ZPBP: variants seen among roughly 807,000 people sequenced by gnomAD.
ZPBP encodes zona pellucida binding protein.
In ZPBP, 26 loss-of-function variants were observed where a neutral mutation model predicts 44.8. The ratio of observed to expected loss-of-function variants is 0.58; its 90% CI spans 0.43 to 0.81. The LOEUF is 0.81. Ranked by LOEUF, ZPBP falls within the 30% of genes least tolerant of loss-of-function variation. The pLI is 0.00. For synonymous variants in ZPBP, 174 were observed against 153.2 expected, an observed-to-expected ratio of 1.14 and a Z score of -1.00; for missense variants, 409 against 434.0, an observed-to-expected ratio of 0.94 and a Z score of 0.51.
chr7:49,996,443 T>C (rs1166605600), intron 6 of ZPBP, among the ~76,000 whole-genome samples: 2 of 152,208 alleles, frequency 1.3e-5, no homozygotes, highest in Non-Finnish European at 2.9e-5. Context: ...TTGGAATCAA[T>C]GTCAGTTCAG....
the ZPBP span, among the ~76,000 whole-genome samples, chr7:49,844,749 A>G: frequency 2.6e-5 from 4 of 151,984 alleles, no homozygotes; most frequent in African/African-American, 7.3e-5. Flanking sequence ...CTGGAGTGCA[A>G]TGGCACGATC....
chr7:49,912,092 C>T (rs752065182), intron 1 of ZPBP: 49 of 1,613,984 alleles, frequency 3.0e-5, no homozygotes, highest in Non-Finnish European at 3.1e-5. Context: ...TGAAGACTGA[C>T]GAGTGCACCA....
chr7:49,881,419 A>G (rs1177982694), intron 2 of ZPBP, among the ~76,000 whole-genome samples: 3 of 152,186 alleles, frequency 2.0e-5, no homozygotes, highest in Non-Finnish European at 2.9e-5. Flanking sequence ...ATGATTTAAT[A>G]GAAAGTTTAA....
chr7:50,001,409 C>G (rs1395824625), intron 6 of ZPBP, among the ~76,000 whole-genome samples: 1 of 152,100 alleles, frequency 6.6e-6, no homozygotes, highest in Non-Finnish European at 1.5e-5. Flanking sequence ...AACATCTTTT[C>G]CTTCTTCTTT....
At chr7:49,989,302 T>G (rs1797457893) in intron 6 of ZPBP, among the ~76,000 whole-genome samples, 1 of 152,126 alleles carries the variant, frequency 6.6e-6, no homozygotes, top group African/African-American at 2.4e-5. Context: ...TGTCAGTTTC[T>G]AACAGGCCCG....
intron 1 of ZPBP, among the ~76,000 whole-genome samples, chr7:49,927,276 A>G (rs1288574445): frequency 6.6e-6 from 1 of 152,178 alleles, no homozygotes; most frequent in Non-Finnish European, 1.5e-5. Context: ...GTTCAACAAC[A>G]TGAGGTGGCA....
chr7:49,846,359 A>G (rs555461285), downstream of ZPBP, among the ~76,000 whole-genome samples: 2 of 152,348 alleles, frequency 1.3e-5, no homozygotes, highest in African/African-American at 2.4e-5. Context: ...CTGGTCTCTT[A>G]ACAGCTGTCC....
At chr7:49,960,941 A>G (rs186515388) in intron 7 of ZPBP, among the ~76,000 whole-genome samples, 1 of 152,352 alleles carries the variant, frequency 6.6e-6, no homozygotes, top group East Asian at 1.9e-4. Flanking sequence ...TTACACAGTT[A>G]ACACAAGTGG....
At chr7:49,987,352 G>A (rs534791439) in intron 6 of ZPBP, among the ~76,000 whole-genome samples, 30 of 151,862 alleles carry the variant, frequency 2.0e-4, no homozygotes, top group African/African-American at 3.9e-4. Context: ...TTTCTCAGTC[G>A]ACTAAACTAT....
intron 3 of ZPBP, among the ~76,000 whole-genome samples, chr7:50,065,077 T>C (rs1801433164): frequency 6.6e-6 from 1 of 152,276 alleles, no homozygotes; most frequent in Non-Finnish European, 1.5e-5. Context: ...CCTCCGTTTG[T>C]AGTCCCTGAC....
At chr7:49,937,648 G>C (rs1794668917) in intron 7 of ZPBP, 26 bp from the exon 8 acceptor site, 1 of 1,561,852 alleles carries the variant, frequency 6.4e-7, no homozygotes, top group African/African-American at 1.4e-5. Context: ...AAGTTAATAA[G>C]TAGTATTTTC....
intron 6 of ZPBP, among the ~76,000 whole-genome samples, chr7:49,998,543 T>G (rs1797960439): frequency 6.6e-6 from 1 of 152,236 alleles, no homozygotes; most frequent in African/African-American, 2.4e-5. Flanking sequence ...TTGCTTCTTA[T>G]AAGTGATTAA....
At chr7:49,859,087 ATACT>A (rs1328930059) in intron 2 of ZPBP, among the ~76,000 whole-genome samples, 1 of 152,236 alleles carries the variant, frequency 6.6e-6, no homozygotes, top group Non-Finnish European at 1.5e-5. Context: ...ATATGGGCAC[ATACT>A]TATTTAGGAA....
intron 3 of ZPBP, among the ~76,000 whole-genome samples, chr7:50,073,653 C>T (rs1801950396): frequency 6.6e-6 from 1 of 151,842 alleles, no homozygotes; most frequent in African/African-American, 2.4e-5. Flanking sequence ...ATCCAAAAAG[C>T]AGAAAGAAAA....
intron 7 of ZPBP, among the ~76,000 whole-genome samples, chr7:49,957,737 G>A (rs1336802271): frequency 6.6e-6 from 1 of 152,174 alleles, no homozygotes; most frequent in African/African-American, 2.4e-5. Flanking sequence ...CCTCTACTGT[G>A]GTAATGCCCT....
intron 3 of ZPBP, among the ~76,000 whole-genome samples, chr7:50,073,071 C>A (rs1216301204): frequency 6.6e-6 from 1 of 152,056 alleles, no homozygotes; most frequent in Non-Finnish European, 1.5e-5. Context: ...AAACTAAATA[C>A]CAGGGACCAA....
chr7:49,842,440 G>A, the ZPBP span, among the ~76,000 whole-genome samples: 1 of 152,100 alleles, frequency 6.6e-6, no homozygotes, highest in African/African-American at 2.4e-5. Flanking sequence ...AGTCAGTATA[G>A]GGGAGAACCT....
chr7:50,056,215 T>G (rs1283200221), intron 4 of ZPBP: 2 of 152,164 alleles, frequency 1.3e-5, no homozygotes, highest in Non-Finnish European at 2.9e-5. Context: ...AAATCCAAAA[T>G]GAGTCTTACT....
At chr7:50,091,996 C>T (rs914009893) in intron 1 of ZPBP, among the ~76,000 whole-genome samples, 1 of 152,168 alleles carries the variant, frequency 6.6e-6, no homozygotes, top group African/African-American at 2.4e-5. Context: ...TCCATCCTTA[C>T]AGTTACTGTA....
Sources: allele counts gnomAD v4.1 joint callset (sites outside exome capture counted in the v4.1 genomes callset), GRCh38; gene constraint gnomAD v4.1.1; transcripts MANE v1.5; gene names NCBI Gene and HGNC (gene_info 2026-07-23, HGNC 2026-07-21).